COL8A1: variants seen among roughly 807,000 people sequenced by gnomAD.
COL8A1 encodes collagen type VIII alpha 1 chain, also known as collagen alpha-1(VIII) chain.
COL8A1 carries 21 observed loss-of-function variants against 42.7 expected under a neutral mutation model. That is an observed-to-expected ratio of 0.49 (90% CI 0.35 to 0.71). COL8A1 has a LOEUF of 0.71. Among genes scored for constraint, COL8A1 ranks in the 30% least tolerant of loss-of-function variants. COL8A1 has a pLI of 0.01. For synonymous variants in COL8A1, 367 were observed against 369.1 expected (o/e 0.99, Z 0.06); for missense variants, 788 against 962.4 (o/e 0.82, Z 2.40).
chr3:99,726,688 T>C (rs1576449968), intron 1 of COL8A1, among the ~76,000 whole-genome samples: 1 of 152,040 alleles, frequency 6.6e-6, no homozygotes, highest in Non-Finnish European at 1.5e-5. Flanking sequence ...CCATTGCTTG[T>C]TTTTCTCAGG....
intron 1 of COL8A1, among the ~76,000 whole-genome samples, chr3:99,666,563 A>T (rs879370047): frequency 6.6e-6 from 1 of 152,224 alleles, no homozygotes; most frequent in Non-Finnish European, 1.5e-5. Context: ...CACATTAGAC[A>T]CATGTATCTG....
In COL8A1 at chr3:99,796,024, T is replaced by C; in HGVS notation, c.2123T>C (p.Leu708Pro). 1 of 1,613,738 alleles carries C rather than the reference T, an allele frequency of 6.2e-7. No homozygotes were observed. Among genetic ancestry groups the C allele is most frequent in the Non-Finnish European group, 8.5e-7 (1 of 1,179,854 alleles). ...GCATCTGGGAGTGCAGTGCTGCTGC[T>C]CAGGCCCGGAGACCGGGTGTTCCTC... ...DQASGSAVLLLRPGDRVFLQM... is the reference protein window; with the variant it reads ...DQASGSAVLLPRPGDRVFLQM... The change falls in exon 4 of 4, where the codon CTC becomes CCC. Residue 708 changes from leucine to proline, a missense_variant. By Grantham distance (98) the Leu-to-Pro change is moderately conservative. Around this residue, in one of 4 missense-constraint regions of COL8A1, gnomAD observed 212 missense variants for 210.9 expected, o/e 1.00. Coordinates refer to ENST00000652472, the MANE Select transcript of COL8A1 (RefSeq NM_020351.4).
intron 1 of COL8A1, among the ~76,000 whole-genome samples, chr3:99,642,560 C>T (rs931263606): frequency 6.6e-6 from 1 of 152,208 alleles, no homozygotes; most frequent in African/African-American, 2.4e-5. Context: ...AATTCACCTT[C>T]GGTGTCCTCT....
intron 1 of COL8A1, among the ~76,000 whole-genome samples, chr3:99,682,909 T>G: frequency 6.6e-6 from 1 of 152,190 alleles, no homozygotes; most frequent in East Asian, 1.9e-4. Flanking sequence ...AATAAGGGAT[T>G]TGGGTTGCAG....
chr3:99,668,640 A>T (rs903549515), intron 1 of COL8A1, among the ~76,000 whole-genome samples: 1 of 152,120 alleles, frequency 6.6e-6, no homozygotes, highest in Non-Finnish European at 1.5e-5. Context: ...TTCACATTAA[A>T]AAAACCTGAC....
At position 99,795,192 on chromosome 3, in the gene COL8A1, C is replaced by T; in HGVS notation, c.1291C>T (p.Pro431Ser). ...GGGGCCACCAGGTCCCAAGGGTGAGCCAGGGCTTCAAGGCTTCCCAGGAAA... is the reference window on the plus strand; with the variant it reads ...GGGGCCACCAGGTCCCAAGGGTGAGTCAGGGCTTCAAGGCTTCCCAGGAAA... ...PQGPPGPKGE[P>S]GLQGFPGKPG... The change falls in exon 4 of 4, where the codon CCA (proline) becomes TCA (serine). Residue 431 changes from proline to serine, a missense_variant. Physicochemically the swap from Pro to Ser is moderately conservative, Grantham distance 74 (BLOSUM62 -1). This residue lies in a region of COL8A1 where 1 missense variants were observed against 16.0 expected (regional missense o/e 0.06). Transcript: ENST00000652472. 6.2e-7 allele frequency: 1 copy of T among 1,613,662 alleles called. No homozygotes were observed.
rs1214021430 is a variant in COL8A1 at position 99,798,144 on chromosome 3, T to A, written c.*2008T>A. The stretch of plus-strand genomic sequence containing the variant: ...TGAATCATTATTACCATCACAAAAA[T>A]TCTTCTCTTGGCCAATATCTCATTT... On this transcript the variant is annotated 3_prime_UTR_variant, in exon 4 of 4. Transcript: ENST00000652472. 1 of 152,212 alleles carries A rather than the reference T, an allele frequency of 6.6e-6. No homozygotes were observed. 9.4% of individuals were successfully genotyped at this position (152,212 alleles called of 1,614,324 possible).
intron 1 of COL8A1, among the ~76,000 whole-genome samples, chr3:99,643,766 G>A (rs1266140970): frequency 1.3e-5 from 2 of 152,124 alleles, no homozygotes; most frequent in African/African-American, 4.8e-5. Context: ...ATTTTTTACA[G>A]GAGGCTTAAG....
At chr3:99,700,921 C>G (rs967842285) in intron 1 of COL8A1, among the ~76,000 whole-genome samples, 1 of 152,212 alleles carries the variant, frequency 6.6e-6, no homozygotes, top group African/African-American at 2.4e-5. Flanking sequence ...CTGACTTACA[C>G]TTGGTAAGTT....
intron 1 of COL8A1, among the ~76,000 whole-genome samples, chr3:99,671,584 T>C (rs1033101381): frequency 6.6e-6 from 1 of 152,010 alleles, no homozygotes; most frequent in Admixed American, 6.6e-5. Context: ...TTCACCAACA[T>C]CTTCCCAGTC....
At chr3:99,701,747 C>G (rs1559783383) in intron 1 of COL8A1, among the ~76,000 whole-genome samples, 1 of 152,164 alleles carries the variant, frequency 6.6e-6, no homozygotes, top group African/African-American at 2.4e-5. Flanking sequence ...GGAAGATCAT[C>G]CTCCATGCAT....
chr3:99,657,552 T>C (rs546564552), intron 1 of COL8A1, among the ~76,000 whole-genome samples: 2 of 152,274 alleles, frequency 1.3e-5, no homozygotes, highest in African/African-American at 4.8e-5. Flanking sequence ...CCTAAAATGC[T>C]CTCAGGAATG....
At chr3:99,716,605 G>T (rs560424075) in intron 1 of COL8A1, among the ~76,000 whole-genome samples, 1 of 152,092 alleles carries the variant, frequency 6.6e-6, no homozygotes, top group South Asian at 2.1e-4. Context: ...GACAGAAAAC[G>T]TAGTAGGTGT....
Position 99,726,495 on chromosome 3 carries a change from G to C in COL8A1, c.-128-18402G>C, listed in dbSNP as rs1435327114. ...ACATGAAGTCCTTGCCCATGCCTAT[G>C]TCCTGAATGGTATTGCCTAGGTTTT... On this transcript the variant is annotated intron_variant, in intron 1 of 3. Transcript: ENST00000652472. 2.0e-5 allele frequency among the ~76,000 whole-genome samples: 3 copies of C among 151,658 alleles called. No individual in the cohort carries two copies. The East Asian group carries it at 5.8e-4, about 29-fold the overall frequency.
intron 1 of COL8A1, among the ~76,000 whole-genome samples, chr3:99,640,729 G>T (rs993694593): frequency 6.6e-6 from 1 of 151,964 alleles, no homozygotes; most frequent in Non-Finnish European, 1.5e-5. Flanking sequence ...TTCTCCATAG[G>T]GTACATACCA....
At chr3:99,691,719 A>T (rs1239409650) in intron 1 of COL8A1, 1 of 146,706 alleles carries the variant, frequency 6.8e-6, no homozygotes, top group Admixed American at 6.8e-5. Flanking sequence ...AAAAAAAAAA[A>T]AGCCTCTAGT....
chr3:99,649,177 A>G (rs139450751), intron 1 of COL8A1, among the ~76,000 whole-genome samples: 8 of 152,092 alleles, frequency 5.3e-5, no homozygotes, highest in African/African-American at 9.6e-5. Context: ...GCCTAACCCA[A>G]GCTGCCTCGT....
At chr3:99,771,325 C>T (rs1941577390) in intron 2 of COL8A1, among the ~76,000 whole-genome samples, 1 of 152,112 alleles carries the variant, frequency 6.6e-6, no homozygotes, top group African/African-American at 2.4e-5. Context: ...AAGTTAAATA[C>T]ATTCATGAAA....
intron 1 of COL8A1, among the ~76,000 whole-genome samples, chr3:99,737,672 T>G (rs566752926): frequency 2.6e-5 from 4 of 152,250 alleles, no homozygotes; most frequent in Admixed American, 6.5e-5. Context: ...TTTTCCTTCA[T>G]TCAACTTTGG....
Sources: gnomAD v4.1 joint callset for allele counts (sites outside exome capture counted in the v4.1 genomes callset) on GRCh38, gnomAD v4.1.1 for gene constraint, gnomAD v4.1.1 regional missense constraint, MANE v1.5 for transcripts, NCBI Gene and HGNC (gene_info 2026-07-23, HGNC 2026-07-21) for gene names.